DLGAP2: variants seen among roughly 807,000 people sequenced by gnomAD.
DLGAP2 encodes the protein DLG associated protein 2.
Under a neutral mutation model 100.3 loss-of-function variants are expected in DLGAP2, and 26 were observed. That is an observed-to-expected ratio of 0.26 (90% confidence interval 0.19 to 0.36). The LOEUF (loss-of-function observed/expected upper bound fraction) is 0.36. DLGAP2 is among the 10% of genes least tolerant of loss of function. DLGAP2 has a pLI of 1.00. For missense variants in DLGAP2, 1,858 were observed against 1,453.2 expected (o/e 1.28, Z -4.53); for synonymous variants, 886 against 630.1 (o/e 1.41, Z -6.08).
At chr8:876,503 A>G (rs1797689177) in intron 1 of DLGAP2, among the ~76,000 whole-genome samples, 2 of 152,130 alleles carry the variant, frequency 1.3e-5, no homozygotes, top group Non-Finnish European at 2.9e-5. Context: ...GTCAACTATT[A>G]ATCAGATTGG....
At chr8:1,081,214 G>A (rs1219396064) in intron 2 of DLGAP2, among the ~76,000 whole-genome samples, 6 of 152,086 alleles carry the variant, frequency 3.9e-5, no homozygotes, top group Middle Eastern at 3.2e-3. Flanking sequence ...CGGGTTAAAG[G>A]CAGTATTAAA....
chr8:1,534,949 G>A (rs185743832), intron 4 of DLGAP2, among the ~76,000 whole-genome samples: 162 of 152,328 alleles, frequency 1.1e-3, no homozygotes, highest in Non-Finnish European at 1.6e-3. Flanking sequence ...AAATCTTCTT[G>A]GCCAGCTCCA....
intron 3 of DLGAP2, among the ~76,000 whole-genome samples, chr8:1,455,914 A>T (rs1367590595): frequency 2.6e-5 from 4 of 152,172 alleles, no homozygotes; most frequent in Non-Finnish European, 5.9e-5. Context: ...CACGAAATCA[A>T]TCAACATGAC....
intron 3 of DLGAP2, among the ~76,000 whole-genome samples, chr8:1,411,076 C>T (rs1796717414): frequency 6.6e-6 from 1 of 152,146 alleles, no homozygotes; most frequent in Admixed American, 6.5e-5. Flanking sequence ...TGGAAAGCTA[C>T]CTGCATACGC....
At chr8:1,242,407 G>T (rs1023398165) in intron 2 of DLGAP2, among the ~76,000 whole-genome samples, 1 of 152,230 alleles carries the variant, frequency 6.6e-6, no homozygotes, top group Non-Finnish European at 1.5e-5. Context: ...CCAGCCAGGG[G>T]TCAGCAGCGA....
At chr8:1,382,922 T>C (rs761594848) in intron 3 of DLGAP2, among the ~76,000 whole-genome samples, 5 of 152,170 alleles carry the variant, frequency 3.3e-5, no homozygotes, top group Admixed American at 1.3e-4. Flanking sequence ...AGTGTGTGTG[T>C]GCGTGTGTGT....
At chr8:1,142,621 G>C (rs1475840564) in intron 2 of DLGAP2, among the ~76,000 whole-genome samples, 1 of 152,336 alleles carries the variant, frequency 6.6e-6, no homozygotes, top group Non-Finnish European at 1.5e-5. Flanking sequence ...TGGAGTCACA[G>C]GGTTTTGGGA....
intron 3 of DLGAP2, among the ~76,000 whole-genome samples, chr8:1,331,930 AGGGAGCCACTG>A (rs951763983): frequency 6.6e-6 from 1 of 152,086 alleles, no homozygotes; most frequent in Non-Finnish European, 1.5e-5. Flanking sequence ...AACAATCCCT[AGGGAGCCACTG>A]GGGAGGGCAC....
At chr8:883,748 G>C (rs1190612726) in intron 1 of DLGAP2, among the ~76,000 whole-genome samples, 2 of 152,168 alleles carry the variant, frequency 1.3e-5, no homozygotes, top group African/African-American at 4.8e-5. Context: ...TGCTGTGGTG[G>C]TTTGCTGCAC....
chr8:1,173,016 C>T (rs907661350), intron 2 of DLGAP2, among the ~76,000 whole-genome samples: 2 of 152,026 alleles, frequency 1.3e-5, no homozygotes, highest in Non-Finnish European at 2.9e-5. Context: ...GTGGTTTTAT[C>T]TACTTTTGGT....
chr8:867,186 C>T (rs993063465), intron 1 of DLGAP2, among the ~76,000 whole-genome samples: 3 of 152,184 alleles, frequency 2.0e-5, no homozygotes, highest in South Asian at 2.1e-4. Flanking sequence ...CTTTGTTGAT[C>T]GGGGATCTAT....
At chr8:1,200,852 G>A (rs6981503) in intron 2 of DLGAP2, among the ~76,000 whole-genome samples, 27,546 of 152,240 alleles carry the variant, frequency 0.18, 2,545 homozygotes, top group Middle Eastern at 0.33. Context: ...CCCACATATC[G>A]GTTTGGCATC....
intron 2 of DLGAP2, among the ~76,000 whole-genome samples, chr8:925,565 G>A (rs80256025): frequency 0.11 from 16,197 of 152,220 alleles, 1,316 homozygotes; most frequent in Admixed American, 0.25. Context: ...TGTCCACATT[G>A]TGGACGGAGT....
intron 1 of DLGAP2, among the ~76,000 whole-genome samples, chr8:902,982 G>A (rs1221115025): frequency 1.7e-5 from 1 of 57,330 alleles, no homozygotes; most frequent in African/African-American, 6.5e-5. Context: ...GGGTGGGTGG[G>A]GGCGGGGGGG....
chr8:738,089 G>A (rs1296143341), intron 1 of DLGAP2: 4 of 262,968 alleles, frequency 1.5e-5, no homozygotes, highest in African/African-American at 4.5e-5. Flanking sequence ...CCTGGGCTCC[G>A]GGGGTGCGGG....
chr8:1,153,559 G>A (rs1369396862), intron 2 of DLGAP2, among the ~76,000 whole-genome samples: 1 of 152,148 alleles, frequency 6.6e-6, no homozygotes, highest in Non-Finnish European at 1.5e-5. Flanking sequence ...TAATTAACCT[G>A]TTTTTATCCT....
intron 2 of DLGAP2, among the ~76,000 whole-genome samples, chr8:1,176,034 A>T (rs1304307702): frequency 6.6e-6 from 1 of 152,174 alleles, no homozygotes; most frequent in Non-Finnish European, 1.5e-5. Flanking sequence ...TCCCAGATGG[A>T]TAAGCCCATT....
At chr8:1,239,641 TAC>T (rs200431481) in intron 2 of DLGAP2, among the ~76,000 whole-genome samples, 21 of 26,850 alleles carry the variant, frequency 7.8e-4, no homozygotes, top group Middle Eastern at 0.016. Context: ...CGTGTCTAGT[TAC>T]CTCTCACATG....
chr8:1,542,741 T>C (rs1801405277), intron 4 of DLGAP2, among the ~76,000 whole-genome samples: 1 of 152,222 alleles, frequency 6.6e-6, no homozygotes, highest in Admixed American at 6.5e-5. Flanking sequence ...TTCATTTCTC[T>C]TGGATGTGCA....
Sources: gnomAD v4.1 joint callset for allele counts (sites outside exome capture counted in the v4.1 genomes callset) on GRCh38, gnomAD v4.1.1 for gene constraint, MANE v1.5 for transcripts, NCBI Gene and HGNC (gene_info 2026-07-23, HGNC 2026-07-21) for gene names.